Variants in BEND3 observed in about 807,000 individuals in gnomAD.
BEND3 encodes the protein BEN domain containing 3, also known as BEN domain-containing protein 3.
A neutral mutation model predicts 60.1 loss-of-function variants in BEND3; 13 were observed. The observed-to-expected ratio is 0.22, with a 90% CI of 0.14 to 0.34. The LOEUF (loss-of-function observed/expected upper bound fraction) is 0.34, where lower values mean the gene tolerates loss of function less well. Among genes scored for constraint, BEND3 ranks in the 10% least tolerant of loss-of-function variants. The pLI, the probability that BEND3 is intolerant of heterozygous loss-of-function variation, is 1.00. For missense variants in BEND3, 896 were observed against 1,138.1 expected, an observed-to-expected ratio of 0.79 and a Z score of 3.06; for synonymous variants, 497 against 491.5, an observed-to-expected ratio of 1.01 and a Z score of -0.15.
chr6:107,100,060 G>A (rs1288963506), intron 1 of BEND3, among the ~76,000 whole-genome samples: 1 of 151,918 alleles, frequency 6.6e-6, no homozygotes, highest in East Asian at 1.9e-4. Context: ...TTTTTGTAGA[G>A]ATGCGGTTTC....
intron 1 of BEND3, among the ~76,000 whole-genome samples, chr6:107,114,777 C>T (rs1408700608): frequency 2.0e-5 from 3 of 146,582 alleles, no homozygotes; most frequent in Admixed American, 6.8e-5. Flanking sequence ...CGCGCGAACC[C>T]CCCGCCCCCG....
chr6:107,079,484 T>C (rs1775178287), intron 3 of BEND3, among the ~76,000 whole-genome samples: 1 of 152,180 alleles, frequency 6.6e-6, no homozygotes, highest in Admixed American at 6.5e-5. Flanking sequence ...CTGTAACATA[T>C]GCCCACTGGG....
chr6:107,098,425 T>C, intron 3 of BEND3, 126 bp downstream of exon 3: 1 of 952,098 alleles, frequency 1.1e-6, no homozygotes, highest in Non-Finnish European at 1.6e-6. Context: ...TGGGATAGCT[T>C]AAATGAAACC....
rs183191041 is a variant in BEND3, at chr6:107,110,009, T to G, written c.-12+5081A>C. Among the ~76,000 whole-genome samples the G allele has an allele frequency of 2.2e-5, 3 of 135,944 alleles. No homozygotes were observed. The East Asian group carries it at 6.5e-4, about 30-fold the overall frequency. The allele number at this position is 135,944 out of a possible 152,430, so 89.2% of individuals were successfully genotyped here. The stretch of plus-strand genomic sequence containing the variant: ...TCGTGCCACTGCACTCCATCCTGGG[T>G]GACAGAGTGAGACCCTGACTCAAAA... On this transcript the variant is annotated intron_variant, in intron 1 of 3. Coordinates refer to ENST00000369042, the MANE Select transcript of BEND3 (RefSeq NM_001367314.1).
chr6:107,110,077 T>C (rs1055814683), intron 1 of BEND3, among the ~76,000 whole-genome samples: 5 of 148,854 alleles, frequency 3.4e-5, no homozygotes, highest in Non-Finnish European at 7.4e-5. Context: ...TGTGCACCCA[T>C]AGTCCCAGCT....
At chr6:107,092,941 G>A (rs1554235452) in intron 3 of BEND3, among the ~76,000 whole-genome samples, 4 of 152,108 alleles carry the variant, frequency 2.6e-5, no homozygotes, top group Admixed American at 2.6e-4. Flanking sequence ...TATACAAGAT[G>A]TATATGAGGG....
intron 1 of BEND3, among the ~76,000 whole-genome samples, chr6:107,113,306 C>T (rs1425449467): frequency 1.3e-5 from 2 of 151,612 alleles, no homozygotes; most frequent in Non-Finnish European, 2.9e-5. Context: ...CATGGTGGCA[C>T]ATGGACTGTA....
intron 3 of BEND3, among the ~76,000 whole-genome samples, chr6:107,088,459 C>A (rs1390024301): frequency 1.3e-5 from 2 of 151,942 alleles, no homozygotes; most frequent in Admixed American, 6.6e-5. Flanking sequence ...AGGTAAGATA[C>A]CAAACCACAG....
chr6:107,094,660 AAAT>A lies in BEND3; in HGVS notation c.240+3888_240+3890del, dbSNP rs1775546040. 4.3e-5 allele frequency among the ~76,000 whole-genome samples: 6 copies of A among 140,554 alleles called. No homozygotes were observed. In the South Asian group the frequency reaches 6.7e-4, roughly 16 times the overall value. The allele number at this position is 140,554 out of a possible 152,430, so 92.2% of individuals were successfully genotyped here. On this transcript the variant is annotated intron_variant, in intron 3 of 3. Coordinates refer to ENST00000369042, the MANE Select transcript of BEND3 (RefSeq NM_001367314.1). ...TAAATAAATAAATAAATAAATAAAT[AAAT>A]AAAACGAACAACAAACTCCATCTCT...
chr6:107,075,614 C>G (rs1334744983), intron 3 of BEND3, among the ~76,000 whole-genome samples: 1 of 152,094 alleles, frequency 6.6e-6, no homozygotes, highest in Non-Finnish European at 1.5e-5. Flanking sequence ...GTTTGGAGTA[C>G]TAACAATTAC....
chr6:107,086,017 G>C (rs1269766066), intron 3 of BEND3, among the ~76,000 whole-genome samples: 1 of 151,628 alleles, frequency 6.6e-6, no homozygotes, highest in African/African-American at 2.4e-5. Flanking sequence ...TCGATCTCCT[G>C]ACCTCGTGAT....
intron 3 of BEND3, among the ~76,000 whole-genome samples, chr6:107,092,946 T>C (rs1455560894): frequency 1.3e-5 from 2 of 152,142 alleles, no homozygotes; most frequent in Non-Finnish European, 2.9e-5. Flanking sequence ...AAGATGTATA[T>C]GAGGGAAAGT....
intron 3 of BEND3, among the ~76,000 whole-genome samples, chr6:107,093,195 A>G (rs1554235473): frequency 6.6e-6 from 1 of 152,286 alleles, no homozygotes; most frequent in East Asian, 1.9e-4. Context: ...AAAAGAACAC[A>G]GTTGCCTGTA....
chr6:107,101,675 A>T (rs1018931811), intron 1 of BEND3, among the ~76,000 whole-genome samples: 9 of 152,122 alleles, frequency 5.9e-5, no homozygotes, highest in Non-Finnish European at 1.2e-4. Context: ...AATTTTAGCA[A>T]CTCCTTCCAC....
chr6:107,109,632 G>A (rs1309625538), intron 1 of BEND3, among the ~76,000 whole-genome samples: 8 of 151,518 alleles, frequency 5.3e-5, no homozygotes, highest in Non-Finnish European at 1.2e-4. Flanking sequence ...CCAGCACTTT[G>A]GGAGGCTGAG....
rs1774805080 is a variant in BEND3, at chr6:107,065,378, T to C, written c.*3326A>G. The C allele has an allele frequency of 6.6e-6, 1 of 152,642 alleles. No homozygotes were observed. Among genetic ancestry groups the C allele is most frequent in the East Asian group, 1.9e-4 (1 of 5,194 alleles). 9.5% of individuals were successfully genotyped at this position (152,642 alleles called of 1,614,324 possible). A position where few individuals can be genotyped will look rare whatever the true frequency, so the allele number is the denominator to read the frequency against. ...TTCATTATCTTTGGTAAAACTATTC[T>C]CATTATTTTGTCTCCTCACAGTATT... On this transcript the variant is annotated 3_prime_UTR_variant, in exon 4 of 4. Coordinates refer to ENST00000369042, the MANE Select transcript of BEND3 (RefSeq NM_001367314.1).
At chr6:107,072,503 C>CATG (rs1775003908) in intron 3 of BEND3, among the ~76,000 whole-genome samples, 1 of 152,190 alleles carries the variant, frequency 6.6e-6, no homozygotes, top group Non-Finnish European at 1.5e-5. Context: ...CAAAACAGTG[C>CATG]ATGAGGTGTT....
chr6:107,074,253 TA>T (rs1160788896), intron 3 of BEND3, among the ~76,000 whole-genome samples: 2 of 151,986 alleles, frequency 1.3e-5, no homozygotes, highest in Non-Finnish European at 1.5e-5. Context: ...CCATCTCTAC[TA>T]AAAATACAAA....
At chr6:107,090,765 T>TA (rs1379444485) in intron 3 of BEND3, among the ~76,000 whole-genome samples, 5 of 151,734 alleles carry the variant, frequency 3.3e-5, no homozygotes, top group Admixed American at 6.6e-5. Context: ...GGGCAACCAT[T>TA]AAAAAAAAGA....
Sources: gnomAD v4.1 joint callset for allele counts (sites outside exome capture counted in the v4.1 genomes callset) on GRCh38, gnomAD v4.1.1 for gene constraint, MANE v1.5 for transcripts, NCBI Gene and HGNC (gene_info 2026-07-23, HGNC 2026-07-21) for gene names.